The following GLRA3 variants were observed in gnomAD, a reference collection of about 807,000 sequenced individuals.
The protein encoded by GLRA3 is glycine receptor subunit alpha-3.
In GLRA3, 44 loss-of-function variants were observed where a neutral mutation model predicts 60.4. The observed-to-expected ratio is 0.73, with a 90% CI of 0.57 to 0.94. The LOEUF is 0.94. GLRA3 is among the 40% of genes least tolerant of loss of function. The probability of loss-of-function intolerance (pLI) is 0.00; values close to 1 mark genes in which losing one functional copy is unlikely to be tolerated. For synonymous variants in GLRA3, 223 were observed against 192.9 expected, an observed-to-expected ratio of 1.16 and a Z score of -1.29; for missense variants, 508 against 564.6, an observed-to-expected ratio of 0.90 and a Z score of 1.02.
chr4:174,676,083 A>G (rs1167188408), intron 7 of GLRA3, among the ~76,000 whole-genome samples: 3 of 152,174 alleles, frequency 2.0e-5, no homozygotes, highest in Admixed American at 6.6e-5. Context: ...GATGACAGAA[A>G]CTTCTTCTTA....
At chr4:174,667,828 C>A (rs1182516543) in intron 7 of GLRA3, among the ~76,000 whole-genome samples, 3 of 152,108 alleles carry the variant, frequency 2.0e-5, no homozygotes, top group Non-Finnish European at 4.4e-5. Flanking sequence ...CCACTTTGTT[C>A]ATTTATTTGT....
At chr4:174,684,843 A>G (rs1734493961) in intron 5 of GLRA3, among the ~76,000 whole-genome samples, 1 of 152,130 alleles carries the variant, frequency 6.6e-6, no homozygotes, top group South Asian at 2.1e-4. Flanking sequence ...GCCCGTTTCT[A>G]CTAAAAAACA....
chr4:174,754,655 T>C (rs1476708574), intron 3 of GLRA3, among the ~76,000 whole-genome samples: 1 of 152,106 alleles, frequency 6.6e-6, no homozygotes, highest in East Asian at 1.9e-4. Context: ...CCATTGGCAT[T>C]AGATAAAAAG....
At position 174,683,081 on chromosome 4, in the gene GLRA3, C is replaced by T. The variant is rs971479533; in HGVS notation, c.575-142G>A. On this transcript the variant is annotated intron_variant, in intron 5 of 9. Transcript: ENST00000274093. ...ACTCTGTGGATGGAGCTATTCATTG[C>T]CCAATTCCGTTTCATAAATGTCTGT... 2.7e-5 allele frequency: 17 copies of T among 628,830 alleles called. No individual in the cohort carries two copies. The South Asian group carries it at 3.1e-4, about 12-fold the overall frequency. The allele number at this position is 628,830 out of a possible 1,614,324, so 39.0% of individuals were successfully genotyped here.
chr4:174,788,912 T>A lies in GLRA3; in HGVS notation c.103A>T (p.Arg35Ter). The A allele has an allele frequency of 6.2e-7, 1 of 1,605,410 alleles. No homozygotes were observed. The highest frequency in any genetic ancestry group is 2.2e-5 in the East Asian group (1 of 44,532). Residue 35 changes from arginine to a stop codon, truncating the protein, a stop_gained, in exon 2 of 10, where the codon AGA (arginine) becomes TGA (stop). Coordinates refer to ENST00000274093, the MANE Select transcript of GLRA3 (RefSeq NM_006529.4). LOFTEE classifies it high-confidence loss of function. ...LVATKETDSA[R>*]SRSAPMSPSD... Reference sequence around the variant, plus strand: ...GGTGACATTGGAGCACTTCGAGATCTTGCACTGTCTGTTTCCTTTGTGGCA... The same window carrying A: ...GGTGACATTGGAGCACTTCGAGATCATGCACTGTCTGTTTCCTTTGTGGCA...
rs1189537180 is a variant in GLRA3, at chr4:174,663,405, C to T, written c.928-4208G>A. ...CCACATTATTCCTGAACGAATATGA[C>T]TCATAAAGTATTTGTGCATTCTTGA... On this transcript the variant is annotated intron_variant, in intron 7 of 9. Transcript: ENST00000274093. Among the ~76,000 whole-genome samples, 4 of 152,284 alleles carry T rather than the reference C, an allele frequency of 2.6e-5. No individual in the cohort carries two copies. The East Asian group carries it at 5.8e-4, about 22-fold the overall frequency.
chr4:174,724,483 T>G (rs544290877), intron 4 of GLRA3, among the ~76,000 whole-genome samples: 1 of 152,224 alleles, frequency 6.6e-6, no homozygotes, highest in Non-Finnish European at 1.5e-5. Flanking sequence ...ATAAAAAAAG[T>G]TATCTCATTT....
At chr4:174,766,698 A>T (rs997216007) in intron 3 of GLRA3, among the ~76,000 whole-genome samples, 1 of 152,052 alleles carries the variant, frequency 6.6e-6, no homozygotes, top group Non-Finnish European at 1.5e-5. Context: ...TGCTATGGTG[A>T]CATTTTAGCT....
chr4:174,656,799 T>G lies in GLRA3; in HGVS notation c.1072-12A>C. 1 of 1,534,352 alleles carries G rather than the reference T, an allele frequency of 6.5e-7. No homozygotes were observed. The highest frequency in any genetic ancestry group is 9.0e-7 in the Non-Finnish European group (1 of 1,107,712). On this transcript the variant is annotated splice_polypyrimidine_tract_variant and intron_variant, in intron 8 of 9. Transcript: ENST00000274093. ...GCAAAAGCTTCTGTCTGTGGGAAGG[T>G]AAAGTGGACCAAGAGGAATTGAGAA...
chr4:174,659,719 C>A (rs1047455854), intron 7 of GLRA3, among the ~76,000 whole-genome samples: 4 of 151,976 alleles, frequency 2.6e-5, no homozygotes, highest in African/African-American at 9.7e-5. Context: ...CGCCTGTAAT[C>A]CTAGAACTTT....
intron 5 of GLRA3, among the ~76,000 whole-genome samples, chr4:174,712,337 T>C (rs1735746231): frequency 6.6e-6 from 1 of 152,180 alleles, no homozygotes. Context: ...TTGGCATAAA[T>C]ATAATTTTTA....
chr4:174,817,327 A>G (rs537995801), intron 1 of GLRA3, among the ~76,000 whole-genome samples: 1 of 152,330 alleles, frequency 6.6e-6, no homozygotes, highest in Admixed American at 6.5e-5. Flanking sequence ...TGGCAAAACA[A>G]GAGAGAAGGA....
At chr4:174,806,372 C>T (rs187564507) in intron 1 of GLRA3, among the ~76,000 whole-genome samples, 1 of 152,132 alleles carries the variant, frequency 6.6e-6, no homozygotes, top group Admixed American at 6.6e-5. Flanking sequence ...TAAGACATTG[C>T]AGAATATTTG....
At chr4:174,811,218 A>G (rs1463646039) in intron 1 of GLRA3, among the ~76,000 whole-genome samples, 2 of 150,218 alleles carry the variant, frequency 1.3e-5, no homozygotes, top group Middle Eastern at 3.4e-3. Flanking sequence ...AAAAATAAAC[A>G]GGGAATTTGC....
chr4:174,725,891 TTG>T (rs763912476), intron 4 of GLRA3, among the ~76,000 whole-genome samples: 1 of 152,256 alleles, frequency 6.6e-6, no homozygotes, highest in Non-Finnish European at 1.5e-5. Context: ...TGAATGTTTC[TTG>T]GTTGAAGCCT....
intron 4 of GLRA3, chr4:174,722,756 C>A (rs1050059688): frequency 6.0e-6 from 1 of 166,584 alleles, no homozygotes; most frequent in Non-Finnish European, 1.5e-5. Context: ...AAAGCCAGAT[C>A]TCTCATGAAA....
intron 3 of GLRA3, among the ~76,000 whole-genome samples, chr4:174,734,930 AT>A (rs1214350740): frequency 6.6e-6 from 1 of 152,190 alleles, no homozygotes; most frequent in Non-Finnish European, 1.5e-5. Context: ...GGGCACCTCG[AT>A]TTAGGTGTAA....
chr4:174,679,495 G>T (rs1036213465), intron 6 of GLRA3, among the ~76,000 whole-genome samples: 3 of 152,104 alleles, frequency 2.0e-5, no homozygotes, highest in Admixed American at 6.6e-5. Flanking sequence ...GAGTATAGGA[G>T]TTCCTTTAAA....
intron 2 of GLRA3, among the ~76,000 whole-genome samples, chr4:174,786,612 C>T (rs75480541): frequency 1.8e-3 from 281 of 152,096 alleles, no homozygotes; most frequent in Non-Finnish European, 3.2e-3. Flanking sequence ...GTTATTTTAT[C>T]CAATGAAATG....
Sources: gnomAD v4.1 joint callset for allele counts (sites outside exome capture counted in the v4.1 genomes callset) on GRCh38, gnomAD v4.1.1 for gene constraint, MANE v1.5 for transcripts, NCBI Gene and HGNC (gene_info 2026-07-23, HGNC 2026-07-21) for gene names.